P4HA1: variants seen among roughly 807,000 people sequenced by gnomAD.
The protein encoded by P4HA1 is prolyl 4-hydroxylase subunit alpha-1.
In P4HA1, 24 loss-of-function variants were observed where a neutral mutation model predicts 72.8. The observed-to-expected ratio is 0.33, with a 90% CI of 0.24 to 0.46. The LOEUF is 0.46. Among genes scored for constraint, P4HA1 ranks in the 20% least tolerant of loss-of-function variants. The pLI is 1.00. For synonymous variants in P4HA1, 201 were observed against 218.8 expected, an observed-to-expected ratio of 0.92 and a Z score of 0.72; for missense variants, 446 against 640.6, an observed-to-expected ratio of 0.70 and a Z score of 3.28.
intron 1 of P4HA1, among the ~76,000 whole-genome samples, chr10:73,089,155 A>G (rs1220398643): frequency 6.6e-6 from 1 of 152,192 alleles, no homozygotes; most frequent in African/African-American, 2.4e-5. Context: ...CAACATACAA[A>G]TATTACACAC....
chr10:73,023,955 A>G (rs1461259511), intron 10 of P4HA1, among the ~76,000 whole-genome samples: 1 of 152,148 alleles, frequency 6.6e-6, no homozygotes, highest in Non-Finnish European at 1.5e-5. Context: ...CTAAATATAT[A>G]TGCACCCAAT....
At position 73,043,850 on chromosome 10, in the gene P4HA1, C is replaced by A; in HGVS notation, c.1148+1131G>T. 3 of 1,439,156 alleles carry A rather than the reference C, an allele frequency of 2.1e-6. No homozygotes were observed. In the South Asian group the frequency reaches 3.5e-5, roughly 17 times the overall value. The allele number at this position is 1,439,156 out of a possible 1,614,324, so 89.1% of individuals were successfully genotyped here. A position where few individuals can be genotyped will look rare whatever the true frequency, so the allele number is the denominator to read the frequency against. ...ATTAGATTCCCAAGAAAGAAATGGT[C>A]CAAATATGACTAAAGTTCTCTCCAT... On this transcript the variant is annotated intron_variant, in intron 9 of 14. Coordinates refer to ENST00000394890, the MANE Select transcript of P4HA1 (RefSeq NM_001017962.3).
At chr10:73,009,982 T>G in intron 13 of P4HA1, 79 bp from the exon 14 acceptor site, 1 of 801,806 alleles carries the variant, frequency 1.2e-6, no homozygotes, top group East Asian at 2.6e-5. Flanking sequence ...TTTTTTTTTT[T>G]TTTTGAGACA....
intron 2 of P4HA1, among the ~76,000 whole-genome samples, chr10:73,074,288 C>A (rs1564635219): frequency 6.6e-6 from 1 of 151,954 alleles, no homozygotes; most frequent in Non-Finnish European, 1.5e-5. Flanking sequence ...GAGAACCCAT[C>A]ATTTTATATA....
chr10:73,028,740 T>A (rs1228051703), intron 10 of P4HA1, among the ~76,000 whole-genome samples: 1 of 151,346 alleles, frequency 6.6e-6, no homozygotes. Context: ...CGGACAACAG[T>A]TTATTATTTA....
intron 5 of P4HA1, among the ~76,000 whole-genome samples, chr10:73,062,259 T>C (rs1841329633): frequency 6.6e-6 from 1 of 152,112 alleles, no homozygotes; most frequent in South Asian, 2.1e-4. Flanking sequence ...ACATTTGATA[T>C]TTTCCATAAT....
intron 9 of P4HA1, among the ~76,000 whole-genome samples, chr10:73,039,854 C>CTCTTT (rs1840690535): frequency 4.6e-5 from 4 of 86,998 alleles, no homozygotes; most frequent in Non-Finnish European, 6.2e-5. Flanking sequence ...CTGAGATGGC[C>CTCTTT]TTTTTTTTTT....
chr10:73,047,198 A>C (rs949503345), intron 7 of P4HA1, 97 bp from the exon 8 acceptor site: 3 of 878,684 alleles, frequency 3.4e-6, no homozygotes, highest in Admixed American at 5.2e-5. Context: ...ATGCTTGCAT[A>C]TACAGAGTAT....
intron 5 of P4HA1, among the ~76,000 whole-genome samples, chr10:73,059,721 C>T (rs911766051): frequency 9.4e-5 from 14 of 149,566 alleles, no homozygotes; most frequent in African/African-American, 3.4e-4. Context: ...CCAGCCTGGG[C>T]GACAGAGCAA....
chr10:73,060,956 AG>A (rs1841297843), intron 5 of P4HA1, among the ~76,000 whole-genome samples: 1 of 152,212 alleles, frequency 6.6e-6, no homozygotes, highest in East Asian at 1.9e-4. Context: ...TATATAGTTC[AG>A]GGTAACCAAA....
chr10:73,040,569 G>A (rs1328356056), intron 9 of P4HA1, among the ~76,000 whole-genome samples: 5 of 149,228 alleles, frequency 3.4e-5, no homozygotes, highest in East Asian at 2.0e-4. Flanking sequence ...TCTACCTCCC[G>A]GGTTCAAGCC....
chr10:73,052,996 CACTTT>C (rs1841053825), intron 6 of P4HA1, among the ~76,000 whole-genome samples: 1 of 152,144 alleles, frequency 6.6e-6, no homozygotes, highest in African/African-American at 2.4e-5. Context: ...TATTTTAAAT[CACTTT>C]ATTTTAAAAT....
chr10:73,055,987 T>A (rs1841139320), intron 5 of P4HA1, among the ~76,000 whole-genome samples: 1 of 152,218 alleles, frequency 6.6e-6, no homozygotes, highest in Non-Finnish European at 1.5e-5. Context: ...TGTTATAACA[T>A]TAAATGGCAA....
intron 5 of P4HA1, among the ~76,000 whole-genome samples, chr10:73,057,385 G>T (rs368619458): frequency 4.6e-5 from 7 of 152,220 alleles, no homozygotes; most frequent in Admixed American, 3.3e-4. Flanking sequence ...AGCTACTTGG[G>T]AAGCTGAGGC....
Position 73,068,986 on chromosome 10 carries a change from T to C in P4HA1, c.326-3A>G. 1 of 1,603,722 alleles carries C rather than the reference T, an allele frequency of 6.2e-7. No homozygotes were observed. The highest frequency in any genetic ancestry group is 8.5e-7 in the Non-Finnish European group (1 of 1,174,140). On this transcript the variant is annotated splice_region_variant and splice_polypyrimidine_tract_variant and intron_variant, in intron 4 of 14. Transcript: ENST00000394890. Reference sequence around the variant, plus strand: ...AATGGTTAGGTTAGAGATAAAGCCTTGAAATAGATAAATCAAAGAAAAAAA... The same window carrying C: ...AATGGTTAGGTTAGAGATAAAGCCTCGAAATAGATAAATCAAAGAAAAAAA...
chr10:73,030,112 CATT>C (rs1840400791), intron 10 of P4HA1, among the ~76,000 whole-genome samples, 156 bp downstream of exon 10: 1 of 152,042 alleles, frequency 6.6e-6, no homozygotes, highest in Admixed American at 6.6e-5. Flanking sequence ...CAATTTTTCC[CATT>C]ATTAAAATCA....
intron 1 of P4HA1, among the ~76,000 whole-genome samples, chr10:73,092,286 C>T (rs961042997): frequency 2.7e-5 from 4 of 150,642 alleles, no homozygotes; most frequent in African/African-American, 9.8e-5. Flanking sequence ...AAACATTTCT[C>T]ATCATTCTTG....
chr10:73,082,579 T>C (rs1026075035), intron 1 of P4HA1: 1 of 152,198 alleles, frequency 6.6e-6, no homozygotes, highest in African/African-American at 2.4e-5. Flanking sequence ...GTAAACACCA[T>C]TGCACTTGGT....
At chr10:73,067,015 GCAC>G (rs976344325) in intron 5 of P4HA1, among the ~76,000 whole-genome samples, 6 of 152,076 alleles carry the variant, frequency 3.9e-5, no homozygotes, top group African/African-American at 1.4e-4. Flanking sequence ...CTACAAGCAA[GCAC>G]CACAACACCC....
Sources: allele counts gnomAD v4.1 joint callset (sites outside exome capture counted in the v4.1 genomes callset), GRCh38; gene constraint gnomAD v4.1.1; transcripts MANE v1.5; gene names NCBI Gene and HGNC (gene_info 2026-07-23, HGNC 2026-07-21).